Variants in ARHGAP32 observed in about 807,000 individuals in gnomAD.
ARHGAP32 encodes the protein rho GTPase-activating protein 32.
A neutral mutation model predicts 186.5 loss-of-function variants in ARHGAP32; 51 were observed. The observed-to-expected ratio is 0.27, with a 90% CI of 0.22 to 0.35. ARHGAP32 has a LOEUF of 0.35. Ranked by LOEUF, ARHGAP32 falls within the 10% of genes least tolerant of loss-of-function variation. ARHGAP32 has a pLI of 1.00. For synonymous variants in ARHGAP32, 950 were observed against 964.3 expected (o/e 0.99, Z 0.27); for missense variants, 2,186 against 2,623.5 (o/e 0.83, Z 3.64).
intron 10 of ARHGAP32, among the ~76,000 whole-genome samples, chr11:129,057,115 C>T (rs1565399868): frequency 6.6e-6 from 1 of 152,180 alleles, no homozygotes; most frequent in African/African-American, 2.4e-5. Context: ...GCATGCTGTT[C>T]CCCGCCTGGC....
chr11:129,119,520 CATTCATCTATT>C (rs1942467344), intron 5 of ARHGAP32, among the ~76,000 whole-genome samples: 1 of 152,044 alleles, frequency 6.6e-6, no homozygotes, highest in Admixed American at 6.6e-5. Context: ...CCATTCATCT[CATTCATCTATT>C]ATTCATTAAA....
chr11:129,078,015 C>CA (rs1941101136), intron 6 of ARHGAP32, among the ~76,000 whole-genome samples: 1 of 152,144 alleles, frequency 6.6e-6, no homozygotes, highest in South Asian at 2.1e-4. Context: ...AACAAGCATT[C>CA]AAAAAACCCA....
chr11:129,260,288 A>AATGGTCTTATG (rs1308573141), intron 1 of ARHGAP32, among the ~76,000 whole-genome samples: 1 of 152,208 alleles, frequency 6.6e-6, no homozygotes, highest in African/African-American at 2.4e-5. Flanking sequence ...CACTGGCGGC[A>AATGGTCTTATG]ATGGTCTTAT....
intron 6 of ARHGAP32, among the ~76,000 whole-genome samples, chr11:129,086,820 CAAAA>C (rs150471534): frequency 1.7e-4 from 13 of 77,992 alleles, no homozygotes; most frequent in East Asian, 3.8e-4. Context: ...GACTCCATCT[CAAAA>C]AAAAAAAAAA....
intron 1 of ARHGAP32, among the ~76,000 whole-genome samples, chr11:129,227,206 T>A (rs957634143): frequency 3.7e-4 from 57 of 152,074 alleles, no homozygotes; most frequent in African/African-American, 1.4e-3. Flanking sequence ...GTGTTATAAA[T>A]TAAATTTTCA....
chr11:129,187,332 G>C (rs1372437499), intron 1 of ARHGAP32, among the ~76,000 whole-genome samples: 1 of 151,378 alleles, frequency 6.6e-6, no homozygotes, highest in African/African-American at 2.4e-5. Flanking sequence ...TAAACTCATG[G>C]ACACAGAGAG....
intron 1 of ARHGAP32, among the ~76,000 whole-genome samples, chr11:129,267,265 G>C (rs991408058): frequency 2.0e-5 from 3 of 152,164 alleles, no homozygotes; most frequent in South Asian, 2.1e-4. Context: ...TCAGGAGGTT[G>C]AGGCAGGAAA....
intron 5 of ARHGAP32, among the ~76,000 whole-genome samples, chr11:129,095,609 C>G (rs1941707993): frequency 6.6e-6 from 1 of 152,142 alleles, no homozygotes; most frequent in African/African-American, 2.4e-5. Flanking sequence ...GAAAGGAGAA[C>G]TGGAAGATAC....
chr11:129,237,100 C>T (rs769685702), intron 1 of ARHGAP32, among the ~76,000 whole-genome samples: 1 of 152,092 alleles, frequency 6.6e-6, no homozygotes, highest in Non-Finnish European at 1.5e-5. Context: ...GGTATGAAAC[C>T]CACTTGATCA....
chr11:129,129,120 C>G (rs562546069), intron 2 of ARHGAP32, among the ~76,000 whole-genome samples: 2 of 152,082 alleles, frequency 1.3e-5, no homozygotes, highest in East Asian at 3.9e-4. Context: ...CCGGCCGCGA[C>G]CCCGTCTGGG....
chr11:128,973,277 C>A lies in ARHGAP32; in HGVS notation c.3229G>T (p.Gly1077Trp). 6.2e-7 allele frequency: 1 copy of A among 1,614,092 alleles called. No individual in the cohort carries two copies. The highest frequency in any genetic ancestry group is 1.7e-5 in the Admixed American group (1 of 60,020). ...TTTGTATACCCAGCCTGAGAGGTCC[C>A]TGGTCTCTTCAATGACTGAGTTGAG... ...QASTQSLKRP[G>W]TSQAGYTNYG... The change falls in exon 22 of 23, where the codon GGG becomes TGG. Residue 1077 changes from glycine to tryptophan, a missense_variant. Gly to Trp is a radical substitution (Grantham distance 184). Transcript: ENST00000682385.
chr11:129,190,796 C>G (rs1358886932), intron 1 of ARHGAP32, among the ~76,000 whole-genome samples: 1 of 152,108 alleles, frequency 6.6e-6, no homozygotes. Flanking sequence ...GTTAGCAAGA[C>G]ACAAACCATA....
upstream of ARHGAP32, among the ~76,000 whole-genome samples, chr11:129,279,562 C>G (rs1945585687): frequency 6.8e-6 from 1 of 146,486 alleles, no homozygotes; most frequent in African/African-American, 2.4e-5. Context: ...CGGAGCCCGC[C>G]GCCCGCCCAG....
At chr11:129,243,294 C>A (rs769880784) in intron 1 of ARHGAP32, among the ~76,000 whole-genome samples, 1 of 152,156 alleles carries the variant, frequency 6.6e-6, no homozygotes, top group Non-Finnish European at 1.5e-5. Flanking sequence ...AATCTGTCAT[C>A]CAACTTCTGT....
intron 1 of ARHGAP32, among the ~76,000 whole-genome samples, chr11:129,231,315 A>G (rs1232947167): frequency 6.6e-6 from 1 of 152,140 alleles, no homozygotes; most frequent in Non-Finnish European, 1.5e-5. Flanking sequence ...TACAGATGAA[A>G]TCTCAGTACA....
chr11:129,266,641 C>CT (rs1945404254), intron 1 of ARHGAP32, among the ~76,000 whole-genome samples: 1 of 152,190 alleles, frequency 6.6e-6, no homozygotes, highest in African/African-American at 2.4e-5. Flanking sequence ...ATAACCAACT[C>CT]TAGCAATAGG....
intron 1 of ARHGAP32, among the ~76,000 whole-genome samples, chr11:129,178,774 C>T (rs1301634728): frequency 6.6e-6 from 1 of 151,574 alleles, no homozygotes; most frequent in African/African-American, 2.4e-5. Context: ...CTTCCTTACA[C>T]CTGATACAAA....
At position 128,970,107 on chromosome 11, in the gene ARHGAP32, G is replaced by A. The variant is rs2065181774; in HGVS notation, c.5106C>T (p.Asp1702=). 6.2e-7 allele frequency: 1 copy of A among 1,614,092 alleles called. No homozygotes were observed. Among genetic ancestry groups the A allele is most frequent in the Non-Finnish European group, 8.5e-7 (1 of 1,180,052 alleles). The change falls in exon 23 of 23, where the codon GAC becomes GAT. Residue 1702 remains aspartate (D), a synonymous_variant. Transcript: ENST00000682385. The surrounding 1 kb of genome is among the most constrained non-coding windows in gnomAD (Gnocchi z 5.8). The stretch of plus-strand genomic sequence containing the variant: ...GCAGCCTAGGATTGTAGAAAGCAAA[G>A]TCTCGATTGGGAAGGCGGTGAAGGG... ...LRPLHRLPNR[D]FAFYNPRLQG...
intron 6 of ARHGAP32, among the ~76,000 whole-genome samples, chr11:129,078,758 G>A (rs190997288): frequency 1.3e-5 from 2 of 152,256 alleles, no homozygotes; most frequent in African/African-American, 4.8e-5. Flanking sequence ...CTCCCAAACT[G>A]CTGGGTTTAA....
Sources: allele counts gnomAD v4.1 joint callset (sites outside exome capture counted in the v4.1 genomes callset), GRCh38; gene constraint gnomAD v4.1.1; non-coding constraint Gnocchi (gnomAD v3.1); transcripts MANE v1.5; gene names NCBI Gene and HGNC (gene_info 2026-07-23, HGNC 2026-07-21).